Variants in HHAT observed in about 807,000 individuals in gnomAD.
HHAT encodes the protein hedgehog acyltransferase, also known as protein-cysteine N-palmitoyltransferase HHAT.
In HHAT, 47 loss-of-function variants were observed where a neutral mutation model predicts 70.8. The ratio of observed to expected loss-of-function variants is 0.66; its 90% CI spans 0.53 to 0.85. HHAT has a LOEUF of 0.85. Ranked by LOEUF, HHAT falls within the 40% of genes least tolerant of loss-of-function variation. The probability of loss-of-function intolerance (pLI) is 0.00; values close to 1 mark genes in which losing one functional copy is unlikely to be tolerated. For missense variants in HHAT, 609 were observed against 604.8 expected, an observed-to-expected ratio of 1.01 and a Z score of -0.07; for synonymous variants, 228 against 247.6, an observed-to-expected ratio of 0.92 and a Z score of 0.74.
chr1:210,494,541 G>GGTTTTTTTTTTTT (rs2094600779), intron 8 of HHAT, among the ~76,000 whole-genome samples: 1 of 61,948 alleles, frequency 1.6e-5, no homozygotes, highest in Non-Finnish European at 3.0e-5. Flanking sequence ...GTTTGAAATA[G>GGTTTTTTTTTTTT]CTTTTTTTTT....
rs573453894 is a variant in HHAT at position 210,629,934 on chromosome 1, C to T, written c.1390+6264C>T. Among the ~76,000 whole-genome samples, 8 of 152,054 alleles carry T rather than the reference C, an allele frequency of 5.3e-5. No homozygotes were observed. In the South Asian group the frequency reaches 8.3e-4, roughly 16 times the overall value. The stretch of plus-strand genomic sequence containing the variant: ...CTCAGCTCACTGCAACCTCCGCCTC[C>T]GGGGTTCAAGGTATTCTCCTGCTTC... On this transcript the variant is annotated intron_variant, in intron 11 of 11. Transcript: ENST00000261458.
intron 11 of HHAT, among the ~76,000 whole-genome samples, chr1:210,645,872 G>T (rs2148922751): frequency 6.6e-6 from 1 of 152,064 alleles, no homozygotes; most frequent in South Asian, 2.1e-4. Flanking sequence ...CTCTTTCAGG[G>T]TTCCCTATAC....
intron 1 of HHAT, among the ~76,000 whole-genome samples, chr1:210,340,240 C>G (rs1382896460): frequency 1.4e-4 from 3 of 21,840 alleles, no homozygotes; most frequent in Non-Finnish European, 2.2e-4. Context: ...GACTCTGTCT[C>G]AGAAAAAAAA....
intron 11 of HHAT, among the ~76,000 whole-genome samples, chr1:210,652,676 T>C (rs1675411509): frequency 8.1e-6 from 1 of 123,422 alleles, no homozygotes; most frequent in Non-Finnish European, 1.8e-5. Flanking sequence ...TGTAGATCTA[T>C]AAGAAAAAGG....
At chr1:210,543,418 T>C (rs1350709933) in intron 9 of HHAT, among the ~76,000 whole-genome samples, 7 of 151,966 alleles carry the variant, frequency 4.6e-5, no homozygotes, top group Non-Finnish European at 5.9e-5. Flanking sequence ...CTTCACTCTT[T>C]AAAAACTCAT....
At chr1:210,583,724 A>C (rs993682177) in intron 9 of HHAT, among the ~76,000 whole-genome samples, 17 of 152,148 alleles carry the variant, frequency 1.1e-4, no homozygotes, top group African/African-American at 4.1e-4. Flanking sequence ...GAATAAAAGG[A>C]ATTTTCAGAG....
intron 9 of HHAT, among the ~76,000 whole-genome samples, chr1:210,519,875 G>T (rs2095126227): frequency 6.7e-6 from 1 of 150,264 alleles, no homozygotes; most frequent in Non-Finnish European, 1.5e-5. Flanking sequence ...CAACTGGGGT[G>T]GGGTGGTATC....
chr1:210,626,876 CA>C (rs1190154146), intron 11 of HHAT, among the ~76,000 whole-genome samples: 6 of 152,132 alleles, frequency 3.9e-5, no homozygotes, highest in African/African-American at 1.2e-4. Context: ...AAGGGATTGT[CA>C]AACTGTATAT....
chr1:210,486,330 A>G (rs1461041313), intron 8 of HHAT, among the ~76,000 whole-genome samples: 1 of 152,216 alleles, frequency 6.6e-6, no homozygotes, highest in South Asian at 2.1e-4. Flanking sequence ...ATTCCTCCTA[A>G]GACTACATTA....
At chr1:210,356,922 G>A (rs766426809) in intron 2 of HHAT, among the ~76,000 whole-genome samples, 6 of 152,094 alleles carry the variant, frequency 3.9e-5, no homozygotes, top group Non-Finnish European at 5.9e-5. Context: ...GGGGCCACCA[G>A]GGGCCCTTCA....
At chr1:210,647,752 T>G (rs574251982) in intron 11 of HHAT, among the ~76,000 whole-genome samples, 19 of 152,330 alleles carry the variant, frequency 1.2e-4, no homozygotes, top group African/African-American at 4.6e-4. Context: ...ATTTCCAGAT[T>G]CAGAAACAAT....
chr1:210,455,458 T>C (rs1027617923), intron 7 of HHAT, among the ~76,000 whole-genome samples: 4 of 152,194 alleles, frequency 2.6e-5, no homozygotes, highest in Admixed American at 2.6e-4. Context: ...CTTTGTTTCC[T>C]GCTTGAAATA....
rs117267088 is a variant in HHAT, at chr1:210,441,059, C to T, written c.856+22734C>T. The stretch of plus-strand genomic sequence containing the variant: ...GCCACAGTTTGTGAGGATGCCACCC[C>T]CTCCTAGTGTAACTTGAACTAGCCA... On this transcript the variant is annotated intron_variant, in intron 7 of 11. Transcript: ENST00000261458. Among the ~76,000 whole-genome samples the T allele has an allele frequency of 2.5e-3, 380 of 152,308 alleles. 9 individuals carry two copies. In the East Asian group the frequency reaches 0.048, roughly 19 times the overall value.
intron 6 of HHAT, among the ~76,000 whole-genome samples, chr1:210,414,064 A>G (rs893608339): frequency 5.3e-5 from 8 of 152,348 alleles, no homozygotes; most frequent in African/African-American, 1.9e-4. Flanking sequence ...TATAAGCCAC[A>G]TAAATGTATT....
intron 9 of HHAT, among the ~76,000 whole-genome samples, chr1:210,567,096 A>G (rs1179614796): frequency 1.3e-5 from 2 of 152,210 alleles, no homozygotes. Context: ...AATGGTGGCA[A>G]CCAAACAGAG....
At chr1:210,474,090 G>A (rs2501905) in intron 8 of HHAT, among the ~76,000 whole-genome samples, 25,875 of 151,812 alleles carry the variant, frequency 0.17, 2,398 homozygotes, top group East Asian at 0.43. Flanking sequence ...TTATTTTTAC[G>A]TAGGGCAGAA....
At chr1:210,334,151 A>G (rs2085249743) in intron 1 of HHAT, among the ~76,000 whole-genome samples, 1 of 137,642 alleles carries the variant, frequency 7.3e-6, no homozygotes. Context: ...TTTTCATCTA[A>G]GTACTTGCTG....
chr1:210,393,885 A>G (rs988090968), intron 4 of HHAT, among the ~76,000 whole-genome samples: 2 of 152,136 alleles, frequency 1.3e-5, no homozygotes, highest in African/African-American at 2.4e-5. Context: ...TGGCCCTTAC[A>G]TAAGTATGAA....
intron 4 of HHAT, among the ~76,000 whole-genome samples, chr1:210,399,556 C>T (rs571140311): frequency 6.6e-6 from 1 of 152,210 alleles, no homozygotes; most frequent in South Asian, 2.1e-4. Flanking sequence ...AGAAATGAAT[C>T]CACAGAGATG....
Sources: allele counts gnomAD v4.1 joint callset (sites outside exome capture counted in the v4.1 genomes callset), GRCh38; gene constraint gnomAD v4.1.1; transcripts MANE v1.5; gene names NCBI Gene and HGNC (gene_info 2026-07-23, HGNC 2026-07-21).